NXN: variants seen among roughly 807,000 people sequenced by gnomAD.
NXN encodes the protein nucleoredoxin.
In NXN, 16 loss-of-function variants were observed where a neutral mutation model predicts 48.6. The observed-to-expected ratio is 0.33, with a 90% CI of 0.22 to 0.50. The LOEUF is 0.50. Among genes scored for constraint, NXN ranks in the 20% least tolerant of loss-of-function variants. NXN has a pLI of 0.98. For missense variants in NXN, 492 were observed against 605.5 expected (o/e 0.81, Z 1.97); for synonymous variants, 281 against 269.6 (o/e 1.04, Z -0.41).
At chr17:804,430 G>C (rs1196309470) in intron 6 of NXN, among the ~76,000 whole-genome samples, 1 of 152,062 alleles carries the variant, frequency 6.6e-6, no homozygotes, top group Non-Finnish European at 1.5e-5. Context: ...TTACAGGCGT[G>C]AGCCACCACA....
intron 1 of NXN, among the ~76,000 whole-genome samples, chr17:903,425 A>T (rs2068555113): frequency 6.6e-6 from 1 of 151,872 alleles, no homozygotes; most frequent in East Asian, 1.9e-4. Context: ...TCTGTCACCC[A>T]GGCTGGAGTG....
intron 1 of NXN, among the ~76,000 whole-genome samples, chr17:957,610 C>G (rs576505672): frequency 2.0e-5 from 3 of 148,446 alleles, no homozygotes; most frequent in African/African-American, 7.5e-5. Flanking sequence ...CCAGCCTGGG[C>G]GACAGAGCAA....
At chr17:804,461 T>G (rs567762601) in intron 6 of NXN, among the ~76,000 whole-genome samples, 68 of 152,018 alleles carry the variant, frequency 4.5e-4, no homozygotes, top group African/African-American at 1.6e-3. Flanking sequence ...TACAGTGATT[T>G]TGAGTTGTTG....
At position 840,965 on chromosome 17, in the gene NXN, G is replaced by A. The variant is rs535521996; in HGVS notation, c.361-14887C>T. Among the ~76,000 whole-genome samples, 6 of 152,290 alleles carry A rather than the reference G, an allele frequency of 3.9e-5. No individual in the cohort carries two copies. The South Asian group carries it at 6.2e-4, about 16-fold the overall frequency. On this transcript the variant is annotated intron_variant, in intron 1 of 7. Coordinates refer to ENST00000336868, the MANE Select transcript of NXN (RefSeq NM_022463.5). ...TTCTGGCAGCCCCCACTCCTCCACC[G>A]CACGGCGGCGGGAGGCAGAGTGTAG...
intron 5 of NXN, among the ~76,000 whole-genome samples, chr17:812,792 G>A (rs1912188139): frequency 6.6e-6 from 1 of 151,270 alleles, no homozygotes; most frequent in Admixed American, 6.6e-5. Flanking sequence ...ATGTGTGTAG[G>A]TGTGTGTGCG....
intron 1 of NXN, among the ~76,000 whole-genome samples, chr17:869,383 C>A (rs1300531413): frequency 6.6e-6 from 1 of 152,100 alleles, no homozygotes; most frequent in Non-Finnish European, 1.5e-5. Context: ...CCCCGACAAG[C>A]GACCTGAGGT....
intron 1 of NXN, among the ~76,000 whole-genome samples, chr17:912,857 G>A (rs1003979726): frequency 6.6e-6 from 1 of 152,130 alleles, no homozygotes; most frequent in African/African-American, 2.4e-5. Context: ...GGGAGGCTGA[G>A]GCAGGAGAAT....
intron 1 of NXN, among the ~76,000 whole-genome samples, chr17:924,882 G>C (rs185012307): frequency 6.6e-6 from 1 of 152,336 alleles, no homozygotes; most frequent in East Asian, 1.9e-4. Context: ...GGAATGCCCA[G>C]GTAAAGGCAG....
chr17:821,527 G>T (rs1944453641), intron 4 of NXN, among the ~76,000 whole-genome samples: 1 of 78,626 alleles, frequency 1.3e-5, no homozygotes, highest in Non-Finnish European at 2.4e-5. Flanking sequence ...GGAGGCCAAG[G>T]CAGGAGGATC....
chr17:839,798 A>T (rs202130781), intron 1 of NXN, among the ~76,000 whole-genome samples: 1 of 78,096 alleles, frequency 1.3e-5, no homozygotes, highest in East Asian at 4.8e-4. Context: ...AGACCTTGTT[A>T]AAAAAAAAAA....
intron 1 of NXN, among the ~76,000 whole-genome samples, chr17:891,521 T>C (rs2068416481): frequency 6.6e-6 from 1 of 152,200 alleles, no homozygotes; most frequent in African/African-American, 2.4e-5. Context: ...CTCATGAAGA[T>C]ACTCTGTCTA....
intron 1 of NXN, among the ~76,000 whole-genome samples, chr17:893,585 T>A (rs900423325): frequency 2.2e-4 from 31 of 141,760 alleles, no homozygotes; most frequent in Non-Finnish European, 3.5e-4. Context: ...AGAGGAAGCA[T>A]CTCAACTCCC....
intron 1 of NXN, chr17:908,184 A>G (rs1295919515): frequency 6.6e-6 from 1 of 152,216 alleles, no homozygotes; most frequent in Non-Finnish European, 1.5e-5. Context: ...AAGGAAGAAC[A>G]ATTTCCTCAA....
intron 1 of NXN, among the ~76,000 whole-genome samples, chr17:963,980 G>A (rs1022088205): frequency 1.3e-5 from 2 of 152,218 alleles, no homozygotes; most frequent in African/African-American, 2.4e-5. Flanking sequence ...GGGAGGCTGA[G>A]GCAGGAGAAT....
intron 1 of NXN, among the ~76,000 whole-genome samples, chr17:871,321 G>C (rs896217202): frequency 1.3e-5 from 2 of 150,804 alleles, no homozygotes; most frequent in Non-Finnish European, 1.5e-5. Flanking sequence ...AGGCCAACAA[G>C]TAATTGATTC....
intron 7 of NXN, among the ~76,000 whole-genome samples, chr17:803,154 C>G (rs1911297364): frequency 6.6e-6 from 1 of 152,212 alleles, no homozygotes; most frequent in Non-Finnish European, 1.5e-5. Context: ...AGTCTCCTGC[C>G]TGGTCCAGCC....
At chr17:882,619 C>T (rs2068297783) in intron 1 of NXN, among the ~76,000 whole-genome samples, 1 of 152,128 alleles carries the variant, frequency 6.6e-6, no homozygotes, top group African/African-American at 2.4e-5. Context: ...GCGCCCACCA[C>T]CATGCCCGGC....
chr17:979,738 G>C lies in NXN; in HGVS notation c.-60C>G, dbSNP rs1416759230. 3 of 1,252,580 alleles carry C rather than the reference G, an allele frequency of 2.4e-6. No individual in the cohort carries two copies. Among genetic ancestry groups the C allele is most frequent in the Non-Finnish European group, 3.0e-6 (3 of 993,172 alleles). 77.6% of individuals were successfully genotyped at this position (1,252,580 alleles called of 1,614,324 possible). A position where few individuals can be genotyped will look rare whatever the true frequency, so the allele number is the denominator to read the frequency against. On this transcript the variant is annotated 5_prime_UTR_variant, in exon 1 of 8. Coordinates refer to ENST00000336868, the MANE Select transcript of NXN (RefSeq NM_022463.5). ...CCCCGCTCCACGGTCCGCGCGGCGG[G>C]AGGAGGCGGCGGCGTCGGCGGCAGG...
chr17:957,631 C>CA (rs34940337), intron 1 of NXN, among the ~76,000 whole-genome samples: 55,718 of 131,638 alleles, frequency 0.42, 11,266 homozygotes, highest in Middle Eastern at 0.52. Context: ...GACTCCATCT[C>CA]AAAAAAAAAA....
Sources: gnomAD v4.1 joint callset for allele counts (sites outside exome capture counted in the v4.1 genomes callset) on GRCh38, gnomAD v4.1.1 for gene constraint, MANE v1.5 for transcripts, NCBI Gene and HGNC (gene_info 2026-07-23, HGNC 2026-07-21) for gene names.